The following PDZRN3 variants were observed in gnomAD, a reference collection of about 807,000 sequenced individuals.
PDZRN3 encodes the protein PDZ domain containing ring finger 3.
In PDZRN3, 38 loss-of-function variants were observed where a neutral mutation model predicts 85.7. The observed-to-expected ratio is 0.44, with a 90% CI of 0.34 to 0.58. The LOEUF (loss-of-function observed/expected upper bound fraction) is 0.58. PDZRN3 is among the 20% of genes least tolerant of loss of function. PDZRN3 has a pLI of 0.01. For synonymous variants in PDZRN3, 759 were observed against 638.0 expected (o/e 1.19, Z -2.86); for missense variants, 1,629 against 1,506.4 (o/e 1.08, Z -1.35).
At chr3:73,400,618 G>GTGTATGGC (rs1412480521) in intron 5 of PDZRN3, among the ~76,000 whole-genome samples, 2 of 152,178 alleles carry the variant, frequency 1.3e-5, no homozygotes, top group African/African-American at 4.8e-5. Context: ...GCTTATGTTA[G>GTGTATGGC]TTACAAGAAT....
At chr3:73,482,821 C>T (rs1186264481) in intron 3 of PDZRN3, among the ~76,000 whole-genome samples, 2 of 152,196 alleles carry the variant, frequency 1.3e-5, no homozygotes, top group African/African-American at 4.8e-5. Flanking sequence ...TTTCTGAGGA[C>T]AGGCCACAAC....
intron 3 of PDZRN3, among the ~76,000 whole-genome samples, chr3:73,550,714 T>G (rs909414448): frequency 1.3e-5 from 2 of 152,232 alleles, no homozygotes; most frequent in African/African-American, 2.4e-5. Flanking sequence ...AAAGATGTCC[T>G]GGTCTAATAT....
At chr3:73,537,758 TACAGG>T in intron 3 of PDZRN3, among the ~76,000 whole-genome samples, 1 of 151,702 alleles carries the variant, frequency 6.6e-6, no homozygotes, top group Middle Eastern at 3.5e-3. Flanking sequence ...TAGCAGGGAT[TACAGG>T]CCTGCGCCAC....
At chr3:73,586,386 C>T (rs1176547838) in intron 3 of PDZRN3, among the ~76,000 whole-genome samples, 1 of 152,206 alleles carries the variant, frequency 6.6e-6, no homozygotes, top group Non-Finnish European at 1.5e-5. Context: ...TAATGTTAGA[C>T]TGCCTGCAGT....
intron 3 of PDZRN3, among the ~76,000 whole-genome samples, chr3:73,523,028 T>G (rs962648426): frequency 1.8e-4 from 27 of 152,174 alleles, no homozygotes; most frequent in African/African-American, 6.5e-4. Flanking sequence ...GTTTGTTTGT[T>G]TGTTTGTTTT....
At chr3:73,386,768 C>T (rs1701399167) in intron 8 of PDZRN3, among the ~76,000 whole-genome samples, 1 of 152,202 alleles carries the variant, frequency 6.6e-6, no homozygotes, top group African/African-American at 2.4e-5. Context: ...AAGTCTGTGA[C>T]TGTGGGTGAG....
chr3:73,454,798 T>A (rs574992656), intron 3 of PDZRN3, among the ~76,000 whole-genome samples: 1 of 152,326 alleles, frequency 6.6e-6, no homozygotes, highest in Admixed American at 6.5e-5. Flanking sequence ...ATAGATTTTT[T>A]AAAAGCATGA....
At chr3:73,612,106 T>C (rs1702694501) in intron 1 of PDZRN3, among the ~76,000 whole-genome samples, 1 of 149,950 alleles carries the variant, frequency 6.7e-6, no homozygotes. Context: ...TTTGCAATGG[T>C]CTCAAAACAT....
intron 3 of PDZRN3, among the ~76,000 whole-genome samples, chr3:73,586,598 C>A (rs982754805): frequency 6.6e-6 from 1 of 152,172 alleles, no homozygotes; most frequent in African/African-American, 2.4e-5. Flanking sequence ...AAACTGCAAA[C>A]CTCACAGGGA....
intron 3 of PDZRN3, among the ~76,000 whole-genome samples, chr3:73,485,147 CA>C (rs1703640188): frequency 6.6e-6 from 1 of 151,936 alleles, no homozygotes; most frequent in Admixed American, 6.6e-5. Flanking sequence ...TAGGTCGGTG[CA>C]AAAATAATTG....
chr3:73,603,878 C>CACACAT (rs1319662219), intron 2 of PDZRN3, among the ~76,000 whole-genome samples: 1 of 78,072 alleles, frequency 1.3e-5, no homozygotes, highest in Non-Finnish European at 3.3e-5. Flanking sequence ...CAAACACACA[C>CACACAT]ACACACATAC....
intron 3 of PDZRN3, among the ~76,000 whole-genome samples, chr3:73,437,609 G>A (rs148316659): frequency 1.3e-5 from 2 of 152,156 alleles, no homozygotes; most frequent in East Asian, 1.9e-4. Flanking sequence ...ATACAAATTC[G>A]ACTCATGGTT....
At chr3:73,595,715 C>T (rs1008337684) in intron 3 of PDZRN3, among the ~76,000 whole-genome samples, 3 of 152,060 alleles carry the variant, frequency 2.0e-5, no homozygotes, top group Non-Finnish European at 4.4e-5. Flanking sequence ...GCACGTGGAT[C>T]AGTATTTTAA....
chr3:73,442,697 A>ATTTT (rs56095919), intron 3 of PDZRN3, among the ~76,000 whole-genome samples: 1 of 146,628 alleles, frequency 6.8e-6, no homozygotes, highest in African/African-American at 2.5e-5. Context: ...AAATGTGTGG[A>ATTTT]TTTTTTTTTT....
intron 3 of PDZRN3, among the ~76,000 whole-genome samples, chr3:73,524,233 A>G (rs868746586): frequency 1.3e-5 from 2 of 152,376 alleles, no homozygotes; most frequent in Middle Eastern, 3.4e-3. Flanking sequence ...AATTTTGGAG[A>G]CCAGAAGACA....
chr3:73,415,872 C>A (rs1702070876), intron 3 of PDZRN3, among the ~76,000 whole-genome samples: 3 of 151,214 alleles, frequency 2.0e-5, no homozygotes, highest in Admixed American at 2.0e-4. Context: ...TTAACATATC[C>A]ATCATGTTAT....
At chr3:73,503,712 ACTCT>A (rs201968845) in intron 3 of PDZRN3, among the ~76,000 whole-genome samples, 1 of 152,138 alleles carries the variant, frequency 6.6e-6, no homozygotes, top group African/African-American at 2.4e-5. Context: ...TCTGAACTCA[ACTCT>A]CTCAGTGCAA....
At chr3:73,605,203 G>A (rs1461721049) in intron 2 of PDZRN3, among the ~76,000 whole-genome samples, 4 of 135,260 alleles carry the variant, frequency 3.0e-5, no homozygotes, top group Non-Finnish European at 4.5e-5. Context: ...TGAGACCCCC[G>A]TCTCAAAAAA....
chr3:73,608,205 A>C (rs1702631201), intron 2 of PDZRN3, among the ~76,000 whole-genome samples: 1 of 152,128 alleles, frequency 6.6e-6, no homozygotes, highest in African/African-American at 2.4e-5. Flanking sequence ...ACAGAGCAGA[A>C]CTCAAGATCA....
Sources: gnomAD v4.1 joint callset for allele counts (sites outside exome capture counted in the v4.1 genomes callset) on GRCh38, gnomAD v4.1.1 for gene constraint, MANE v1.5 for transcripts, NCBI Gene and HGNC (gene_info 2026-07-23, HGNC 2026-07-21) for gene names.